MPRIP: variants seen among roughly 807,000 people sequenced by gnomAD.
The protein encoded by MPRIP is myosin phosphatase Rho interacting protein.
In MPRIP, 59 loss-of-function variants were observed where a neutral mutation model predicts 234.9. That is an observed-to-expected ratio of 0.25 (90% CI 0.20 to 0.31). The LOEUF (loss-of-function observed/expected upper bound fraction) is 0.31, where lower values mean the gene tolerates loss of function less well. Ranked by LOEUF, MPRIP falls within the 10% of genes least tolerant of loss-of-function variation. The pLI is 1.00. For synonymous variants in MPRIP, 1,144 were observed against 1,263.9 expected (o/e 0.91, Z 2.01); for missense variants, 2,436 against 3,071.0 (o/e 0.79, Z 4.89).
At chr17:17,146,648 C>T in intron 10 of MPRIP, among the ~76,000 whole-genome samples, 1 of 152,206 alleles carries the variant, frequency 6.6e-6, no homozygotes, top group East Asian at 1.9e-4. Context: ...TGACCCTGTG[C>T]CATGGGCTGG....
chr17:17,144,725 G>A (rs923091289), intron 9 of MPRIP, among the ~76,000 whole-genome samples: 13 of 152,168 alleles, frequency 8.5e-5, no homozygotes, highest in East Asian at 5.8e-4. Flanking sequence ...GTGTGGTGTC[G>A]CGCTCCTGTA....
intron 22 of MPRIP, among the ~76,000 whole-genome samples, chr17:17,178,920 A>G (rs937999776): frequency 2.7e-5 from 4 of 150,604 alleles, no homozygotes; most frequent in African/African-American, 7.4e-5. Context: ...CCCTGCCTCA[A>G]AAAAAAAAGA....
At chr17:17,155,834 C>T (rs1427777104) in intron 13 of MPRIP, among the ~76,000 whole-genome samples, 2 of 152,246 alleles carry the variant, frequency 1.3e-5, no homozygotes, top group South Asian at 4.1e-4. Flanking sequence ...CTGCAGCAAG[C>T]TCTCCCACCC....
intron 1 of MPRIP, among the ~76,000 whole-genome samples, chr17:17,064,045 G>C (rs1447661548): frequency 6.6e-6 from 1 of 152,176 alleles, no homozygotes; most frequent in Non-Finnish European, 1.5e-5. Context: ...GTGGCCTCCA[G>C]GGAAGTAGTT....
chr17:17,087,337 G>T (rs2089614216), intron 3 of MPRIP, among the ~76,000 whole-genome samples: 1 of 152,224 alleles, frequency 6.6e-6, no homozygotes, highest in Non-Finnish European at 1.5e-5. Context: ...GAAGGAAAGA[G>T]GGAGAGGGAA....
At chr17:17,168,997 C>G (rs1461341900) in intron 16 of MPRIP, 1 of 456,834 alleles carries the variant, frequency 2.2e-6, no homozygotes, top group Non-Finnish European at 4.4e-6. Flanking sequence ...TCACATGTCA[C>G]CTCTGTGTGA....
Position 17,167,965 on chromosome 17 carries a change from G to A in MPRIP, c.6324+50G>A, listed in dbSNP as rs990447465. The A allele has an allele frequency of 1.6e-6, 2 of 1,252,836 alleles. No homozygotes were observed. Among genetic ancestry groups the A allele is most frequent in the Non-Finnish European group, 2.1e-6 (2 of 959,428 alleles). The allele number at this position is 1,252,836 out of a possible 1,614,324, so 77.6% of individuals were successfully genotyped here. ...AGAGCAGATCTTCCTTGATAATGGG[G>A]TGGGTGTGGGGACGTCTGGCTCAGC... On this transcript the variant is annotated intron_variant, in intron 16 of 23. Transcript: ENST00000651222. This position sits in a 1 kb window ranked among gnomAD's most constrained non-coding sequence, Gnocchi z 5.9.
At chr17:17,130,276 T>C (rs1476036193) in intron 4 of MPRIP, among the ~76,000 whole-genome samples, 1 of 152,144 alleles carries the variant, frequency 6.6e-6, no homozygotes, top group Non-Finnish European at 1.5e-5. Context: ...ACACCCATCC[T>C]GAGGCTGTCT....
intron 6 of MPRIP, among the ~76,000 whole-genome samples, chr17:17,137,533 T>C (rs1401063940): frequency 2.4e-5 from 3 of 124,034 alleles, no homozygotes. Context: ...AAAAAAATAC[T>C]GAAGGGCTTG....
chr17:17,188,587 G>A lies in MPRIP; in HGVS notation c.*3693G>A, dbSNP rs2144747127. 1 of 152,376 alleles carries A rather than the reference G, an allele frequency of 6.6e-6. No homozygotes were observed. The highest frequency in any genetic ancestry group is 3.4e-3 in the Middle Eastern group (1 of 294). 9.4% of individuals were successfully genotyped at this position (152,376 alleles called of 1,614,324 possible). A position where few individuals can be genotyped will look rare whatever the true frequency, so the allele number is the denominator to read the frequency against. On this transcript the variant is annotated 3_prime_UTR_variant, in exon 24 of 24. Coordinates refer to ENST00000651222, the MANE Select transcript of MPRIP (RefSeq NM_001364716.4). ...GCCTGAAAGGAATACTGACAGATAA[G>A]GCCGGAAACAAAACTGATGGCTTGA...
At chr17:17,152,431 A>G (rs1201376361) in intron 12 of MPRIP, among the ~76,000 whole-genome samples, 1 of 152,188 alleles carries the variant, frequency 6.6e-6, no homozygotes, top group Non-Finnish European at 1.5e-5. Context: ...ACCCCTCCTC[A>G]CTTCACCCTG....
At chr17:17,176,560 G>A (rs1465824317) in intron 21 of MPRIP, 48 bp downstream of exon 21, 1 of 1,404,646 alleles carries the variant, frequency 7.1e-7, no homozygotes, top group East Asian at 2.3e-5. Context: ...CAGGCTCTAG[G>A]TGACATGCGC....
In MPRIP at chr17:17,175,394, G is replaced by C; in HGVS notation, c.6852G>C (p.Lys2284Asn). 6.2e-7 allele frequency: 1 copy of C among 1,611,654 alleles called. No homozygotes were observed. Among genetic ancestry groups the C allele is most frequent in the Non-Finnish European group, 8.5e-7 (1 of 1,179,128 alleles). ...CTGGGTCACCCCTTGCACAGGGCAAGGATGCCTATGAACTAGAGGTACCAT... is the reference window on the plus strand; with the variant it reads ...CTGGGTCACCCCTTGCACAGGGCAACGATGCCTATGAACTAGAGGTACCAT... Reference protein sequence around the residue: ...EATGSPLAQGKDAYELEVLLR... With the variant: ...EATGSPLAQGNDAYELEVLLR... Residue 2284 changes from lysine (K) to asparagine (N), a missense_variant, in exon 20 of 24, where the codon AAG becomes AAC. Lys to Asn is a moderately conservative substitution (Grantham distance 94, BLOSUM62 0). Transcript: ENST00000651222.
At chr17:17,054,656 A>G (rs1295174765) in intron 1 of MPRIP, among the ~76,000 whole-genome samples, 1 of 151,148 alleles carries the variant, frequency 6.6e-6, no homozygotes, top group Non-Finnish European at 1.5e-5. Flanking sequence ...CAGTGGGTGC[A>G]GGAATTCTTT....
chr17:17,163,214 C>A (rs2045909862), intron 15 of MPRIP, among the ~76,000 whole-genome samples: 1 of 152,178 alleles, frequency 6.6e-6, no homozygotes, highest in Non-Finnish European at 1.5e-5. Flanking sequence ...TGAAGTGTAA[C>A]TTGAACTTAA....
At chr17:17,175,654 C>A (rs1364011609) in intron 20 of MPRIP, among the ~76,000 whole-genome samples, 1 of 152,224 alleles carries the variant, frequency 6.6e-6, no homozygotes, top group Non-Finnish European at 1.5e-5. Flanking sequence ...CCCCATCTCA[C>A]TCCACCCACT....
At chr17:17,157,696 C>T (rs941874764) in intron 13 of MPRIP, among the ~76,000 whole-genome samples, 5 of 152,078 alleles carry the variant, frequency 3.3e-5, no homozygotes, top group Non-Finnish European at 7.4e-5. Flanking sequence ...GGCATGGTAG[C>T]GCATGCCGGT....
intron 15 of MPRIP, among the ~76,000 whole-genome samples, chr17:17,163,096 G>A (rs962775832): frequency 1.3e-5 from 2 of 152,154 alleles, no homozygotes; most frequent in African/African-American, 2.4e-5. Flanking sequence ...TTTTAATCAC[G>A]ACTCAGAATG....
Position 17,165,278 on chromosome 17 carries a change from G to A in MPRIP, c.3687G>A (p.Glu1229=), listed in dbSNP as rs1259794644. 1 of 1,304,096 alleles carries A rather than the reference G, an allele frequency of 7.7e-7. No individual in the cohort carries two copies. Among genetic ancestry groups the A allele is most frequent in the South Asian group, 1.2e-5 (1 of 81,034 alleles). 80.8% of individuals were successfully genotyped at this position (1,304,096 alleles called of 1,614,324 possible). The part of the protein sequence containing the change: ...FASESPKDME[E]PRSTPEETER... ...GTGAATCTCCAAAGGACATGGAAGA[G>A]CCACGGAGTACCCCTGAAGAGACAG... Residue 1229 remains glutamate, a synonymous_variant, in exon 16 of 24, where the codon GAG becomes GAA. Coordinates refer to ENST00000651222, the MANE Select transcript of MPRIP (RefSeq NM_001364716.4).
Sources: allele counts gnomAD v4.1 joint callset (sites outside exome capture counted in the v4.1 genomes callset), GRCh38; gene constraint gnomAD v4.1.1; non-coding constraint Gnocchi (gnomAD v3.1); transcripts MANE v1.5; gene names NCBI Gene and HGNC (gene_info 2026-07-23, HGNC 2026-07-21).